SLCO1C1: variants seen among roughly 807,000 people sequenced by gnomAD.
The protein encoded by SLCO1C1 is solute carrier organic anion transporter family member 1C1, also known as OAT-RP-5.
SLCO1C1 carries 70 observed loss-of-function variants against 76.4 expected under a neutral mutation model. The observed-to-expected ratio is 0.92, with a 90% CI of 0.76 to 1.12. The LOEUF is 1.12. Ranked by LOEUF, SLCO1C1 falls within the 50% of genes most tolerant of loss-of-function variation. The pLI is 0.00. For synonymous variants in SLCO1C1, 306 were observed against 286.1 expected (o/e 1.07, Z -0.70); for missense variants, 912 against 823.8 (o/e 1.11, Z -1.31).
chr12:20,701,252 TTTAC>T, intron 2 of SLCO1C1, 62 bp from the exon 3 acceptor site: 2 of 1,360,372 alleles, frequency 1.5e-6, no homozygotes, highest in East Asian at 5.1e-5. Flanking sequence ...TGTTTGTCTA[TTTAC>T]TTAGTTTCCA....
chr12:20,699,304 C>A (rs1304910866), intron 1 of SLCO1C1, among the ~76,000 whole-genome samples: 1 of 151,902 alleles, frequency 6.6e-6, no homozygotes, highest in Non-Finnish European at 1.5e-5. Flanking sequence ...TAAATTTATT[C>A]TTTGCCATAA....
intron 3 of SLCO1C1, among the ~76,000 whole-genome samples, chr12:20,705,710 T>A (rs1359289578): frequency 6.6e-6 from 1 of 152,070 alleles, no homozygotes; most frequent in Non-Finnish European, 1.5e-5. Context: ...ATAATTAGGT[T>A]GGGTGAAGTG....
intron 4 of SLCO1C1, among the ~76,000 whole-genome samples, chr12:20,709,532 A>C (rs1008435009): frequency 6.6e-6 from 1 of 152,222 alleles, no homozygotes; most frequent in African/African-American, 2.4e-5. Flanking sequence ...AATTATTAAC[A>C]ATATAAAATT....
intron 2 of SLCO1C1, 128 bp downstream of exon 2, chr12:20,699,833 A>G: frequency 9.0e-7 from 1 of 1,115,856 alleles, no homozygotes; most frequent in South Asian, 2.2e-5. Context: ...GATGCAATTT[A>G]CTAAAACCAC....
chr12:20,742,876 C>T (rs1948886123), intron 12 of SLCO1C1, among the ~76,000 whole-genome samples: 1 of 152,018 alleles, frequency 6.6e-6, no homozygotes, highest in African/African-American at 2.4e-5. Context: ...TTTTATCATG[C>T]CACAGTGATT....
intron 14 of SLCO1C1, among the ~76,000 whole-genome samples, chr12:20,751,180 C>T (rs777967201): frequency 1.6e-4 from 24 of 152,078 alleles, no homozygotes; most frequent in African/African-American, 2.4e-4. Flanking sequence ...GTACCACTTA[C>T]GTCAGATATA....
intron 9 of SLCO1C1, among the ~76,000 whole-genome samples, chr12:20,724,227 C>T (rs1295063063): frequency 6.6e-6 from 1 of 151,570 alleles, no homozygotes; most frequent in Non-Finnish European, 1.5e-5. Flanking sequence ...ACACCCCATG[C>T]ATGCTAATCA....
chr12:20,732,897 C>G lies in SLCO1C1; in HGVS notation c.1187-12C>G, dbSNP rs78703268. On this transcript the variant is annotated splice_polypyrimidine_tract_variant and intron_variant, in intron 9 of 14. Coordinates refer to ENST00000266509, the MANE Select transcript of SLCO1C1 (RefSeq NM_017435.5). ...GAGATTCACAAAATGATATATTTTTCTTGTTTCTCAGGGCTCATCAACATT... is the reference window on the plus strand; with the variant it reads ...GAGATTCACAAAATGATATATTTTTGTTGTTTCTCAGGGCTCATCAACATT... 7.5e-4 allele frequency: 1,207 copies of G among 1,611,848 alleles called. 9 individuals are homozygous for G. In the African/African-American group the frequency reaches 0.015, roughly 20 times the overall value.
chr12:20,711,295 C>T, intron 4 of SLCO1C1, 91 bp from the exon 5 acceptor site: 1 of 1,415,722 alleles, frequency 7.1e-7, no homozygotes, highest in Admixed American at 2.2e-5. Context: ...CAAGCTCAAC[C>T]TGGTACCCTA....
intron 11 of SLCO1C1, among the ~76,000 whole-genome samples, chr12:20,738,528 AT>A (rs1948654097): frequency 6.6e-6 from 1 of 152,128 alleles, no homozygotes; most frequent in African/African-American, 2.4e-5. Context: ...ATTTTGACTT[AT>A]TTACAGCAGA....
At chr12:20,711,238 C>A (rs1461443776) in intron 4 of SLCO1C1, 148 bp from the exon 5 acceptor site, 2 of 814,616 alleles carry the variant, frequency 2.5e-6, no homozygotes, top group South Asian at 2.1e-5. Context: ...GCAAAATCTG[C>A]TGTTAAACAC....
intron 2 of SLCO1C1, 97 bp downstream of exon 2, chr12:20,699,802 T>C (rs112635704): frequency 1.9e-6 from 2 of 1,039,188 alleles, no homozygotes; most frequent in African/African-American, 1.8e-5. Context: ...TTTTCTCCTT[T>C]AAAAAAAAAA....
In SLCO1C1 at chr12:20,750,827, T is replaced by A. The variant is rs774962053; in HGVS notation, c.1916+35T>A. ...CAAAAGCATTCCCGCATCTCATTGC[T>A]ACAGCATCCCAGATTTACACAATGC... On this transcript the variant is annotated intron_variant, in intron 14 of 14. Coordinates refer to ENST00000266509, the MANE Select transcript of SLCO1C1 (RefSeq NM_017435.5). 1.9e-6 allele frequency: 3 copies of A among 1,613,980 alleles called. No homozygotes were observed. The South Asian group carries it at 3.3e-5, about 18-fold the overall frequency.
At chr12:20,701,187 T>C in intron 2 of SLCO1C1, 131 bp from the exon 3 acceptor site, 1 of 916,806 alleles carries the variant, frequency 1.1e-6, no homozygotes, top group Non-Finnish European at 1.5e-6. Flanking sequence ...GAATTAAAGT[T>C]TCAGTGATAA....
chr12:20,726,085 C>G (rs1947971694), intron 9 of SLCO1C1, among the ~76,000 whole-genome samples: 1 of 152,086 alleles, frequency 6.6e-6, no homozygotes, highest in African/African-American at 2.4e-5. Flanking sequence ...AATATCCTCT[C>G]ACCCTTACTT....
chr12:20,727,274 C>A (rs569023640), intron 9 of SLCO1C1, among the ~76,000 whole-genome samples: 3 of 152,242 alleles, frequency 2.0e-5, no homozygotes, highest in African/African-American at 7.2e-5. Context: ...GAGAAATATC[C>A]AAACTGTTCT....
intron 9 of SLCO1C1, among the ~76,000 whole-genome samples, chr12:20,731,082 G>A (rs751221748): frequency 6.6e-6 from 1 of 152,124 alleles, no homozygotes; most frequent in Non-Finnish European, 1.5e-5. Flanking sequence ...TTGATTTTAG[G>A]ACCACATGAA....
chr12:20,730,880 A>G (rs995694889), intron 9 of SLCO1C1, among the ~76,000 whole-genome samples: 1 of 152,194 alleles, frequency 6.6e-6, no homozygotes, highest in African/African-American at 2.4e-5. Flanking sequence ...ACCGATAATC[A>G]GTGAAACAGT....
chr12:20,711,499 A>G lies in SLCO1C1; in HGVS notation c.518A>G (p.Lys173Arg). 1 of 1,613,606 alleles carries G rather than the reference A, an allele frequency of 6.2e-7. No individual in the cohort carries two copies. The highest frequency in any genetic ancestry group is 8.5e-7 in the Non-Finnish European group (1 of 1,179,802). ...TCAGTTATGGAAAAATCAAAATCCAAAATAAGTAACGGTAAGATCATTTTT... is the reference window on the plus strand; with the variant it reads ...TCAGTTATGGAAAAATCAAAATCCAGAATAAGTAACGGTAAGATCATTTTT... The part of the protein sequence containing the change: ...PVSVMEKSKS[K>R]ISNECEVDTS... The change falls in exon 5 of 15, where the codon AAA (lysine) becomes AGA (arginine). Residue 173 changes from lysine to arginine, a missense_variant. By Grantham distance (26) the Lys-to-Arg change is conservative. Transcript: ENST00000266509.
Sources: gnomAD v4.1 joint callset for allele counts (sites outside exome capture counted in the v4.1 genomes callset) on GRCh38, gnomAD v4.1.1 for gene constraint, MANE v1.5 for transcripts, NCBI Gene and HGNC (gene_info 2026-07-23, HGNC 2026-07-21) for gene names.